The following LRRC51 variants were observed in gnomAD, a reference collection of about 807,000 sequenced individuals.
The protein encoded by LRRC51 is leucine rich repeat containing 51.
A neutral mutation model predicts 17.8 loss-of-function variants in LRRC51; 8 were observed. The observed-to-expected ratio is 0.45, with a 90% confidence interval of 0.26 to 0.81. The LOEUF (loss-of-function observed/expected upper bound fraction) is 0.81. Among genes scored for constraint, LRRC51 ranks in the 30% least tolerant of loss-of-function variants. The pLI, the probability that LRRC51 is intolerant of heterozygous loss-of-function variation, is 0.17. For missense variants in LRRC51, 233 were observed against 239.3 expected (o/e 0.97, Z 0.17); for synonymous variants, 92 against 96.0 (o/e 0.96, Z 0.24).
intron 1 of LRRC51, among the ~76,000 whole-genome samples, chr11:72,087,599 G>C (rs1251605932): frequency 6.6e-6 from 1 of 152,130 alleles, no homozygotes; most frequent in Non-Finnish European, 1.5e-5. Flanking sequence ...TAAAGTGCCT[G>C]GCACATCTCT....
intron 1 of LRRC51, among the ~76,000 whole-genome samples, chr11:72,083,538 C>CTACT (rs1341076053): frequency 2.0e-5 from 3 of 152,012 alleles, no homozygotes; most frequent in Non-Finnish European, 2.9e-5. Flanking sequence ...TGTTAAGCAC[C>CTACT]TACTACTTGC....
chr11:72,092,117 G>A (rs375026649), intron 3 of LRRC51, among the ~76,000 whole-genome samples: 149 of 152,120 alleles, frequency 9.8e-4, no homozygotes, highest in African/African-American at 3.4e-3. Flanking sequence ...CTTCCTCCCT[G>A]ACCTTCCTCC....
At chr11:72,089,359 C>T in intron 3 of LRRC51, 194 bp downstream of exon 3, 1 of 1,490,874 alleles carries the variant, frequency 6.7e-7, no homozygotes, top group Non-Finnish European at 8.9e-7. Context: ...TGATTTTGCC[C>T]CGATACAGCC....
intron 4 of LRRC51, 71 bp from the exon 5 acceptor site, chr11:72,094,877 C>T: frequency 1.9e-6 from 3 of 1,614,148 alleles, no homozygotes; most frequent in African/African-American, 2.7e-5. Context: ...TCTCTGCCCA[C>T]GAGTCAGCCC....
At chr11:72,092,434 C>T (rs1235547591) in intron 3 of LRRC51, among the ~76,000 whole-genome samples, 1 of 152,248 alleles carries the variant, frequency 6.6e-6, no homozygotes, top group Non-Finnish European at 1.5e-5. Context: ...CCTCTCATGT[C>T]TTGCTTGGAT....
At chr11:72,082,377 TA>T (rs767476061) in intron 1 of LRRC51, among the ~76,000 whole-genome samples, 5 of 152,134 alleles carry the variant, frequency 3.3e-5, no homozygotes, top group Non-Finnish European at 7.4e-5. Flanking sequence ...CACTGCACTC[TA>T]TATTCTCTTC....
chr11:72,087,176 A>G (rs1485587892), intron 1 of LRRC51, among the ~76,000 whole-genome samples: 2 of 152,138 alleles, frequency 1.3e-5, no homozygotes, highest in South Asian at 4.1e-4. Flanking sequence ...CTCTAAACCT[A>G]CTAAACTTGA....
chr11:72,093,884 CTG>C (rs1945006601), intron 4 of LRRC51, among the ~76,000 whole-genome samples, 183 bp downstream of exon 4: 1 of 152,236 alleles, frequency 6.6e-6, no homozygotes, highest in Non-Finnish European at 1.5e-5. Context: ...CTCTTACTGA[CTG>C]TGACTTTGAG....
At position 72,095,381 on chromosome 11, in the gene LRRC51, AAT is replaced by A; in HGVS notation, c.443_444del (p.Tyr148CysfsTer25). 6.2e-7 allele frequency: 1 copy of A among 1,614,036 alleles called. No homozygotes were observed. The highest frequency in any genetic ancestry group is 8.5e-7 in the Non-Finnish European group (1 of 1,180,018). On this transcript the variant is annotated frameshift_variant, in exon 6 of 6. Transcript: ENST00000289488. LOFTEE classifies it high-confidence loss of function. ...CCCAGCCTAAGTCTTCCCCACAGGC[AAT>A]ATGTGCTGTGCACCCTGTCCCGTAT...
At chr11:72,084,859 A>G (rs1944438411) in intron 1 of LRRC51, among the ~76,000 whole-genome samples, 1 of 110,848 alleles carries the variant, frequency 9.0e-6, no homozygotes, top group Non-Finnish European at 1.8e-5. Context: ...AAAAAAGAAA[A>G]CCGTGTGTGT....
At chr11:72,094,154 C>T (rs2511078) in intron 4 of LRRC51, among the ~76,000 whole-genome samples, 17,235 of 151,748 alleles carry the variant, frequency 0.11, 1,230 homozygotes, top group East Asian at 0.23. Flanking sequence ...GGCGTGGTGG[C>T]GGGCGCCTGT....
At chr11:72,084,400 G>A (rs1425875565) in intron 1 of LRRC51, among the ~76,000 whole-genome samples, 2 of 152,114 alleles carry the variant, frequency 1.3e-5, no homozygotes, top group Admixed American at 1.3e-4. Flanking sequence ...GTCAACTTGG[G>A]ATTGGTTAAA....
intron 3 of LRRC51, chr11:72,089,429 G>A (rs1407256545): frequency 3.6e-6 from 5 of 1,399,088 alleles, no homozygotes; most frequent in Middle Eastern, 3.8e-4. Flanking sequence ...AATCTGAAAG[G>A]AAACAGGGGG....
chr11:72,091,516 A>C (rs959927378), intron 3 of LRRC51, among the ~76,000 whole-genome samples: 4 of 152,132 alleles, frequency 2.6e-5, no homozygotes, highest in Non-Finnish European at 4.4e-5. Context: ...TAGAGAGCAG[A>C]AGAGAGTGAA....
intron 2 of LRRC51, 125 bp downstream of exon 2, chr11:72,088,505 C>T (rs1264894537): frequency 7.5e-6 from 5 of 665,992 alleles, no homozygotes; most frequent in South Asian, 3.2e-5. Context: ...AGAAGCCAAG[C>T]GGAGAAGGTG....
Position 72,096,088 on chromosome 11 carries a change from C to T in LRRC51, c.*568C>T, listed in dbSNP as rs112733852. 5,084 of 168,792 alleles carry T rather than the reference C, an allele frequency of 0.03. 74 individuals are homozygous for T. The highest frequency in any genetic ancestry group is 0.07 in the East Asian group (426 of 6,044). The allele number at this position is 168,792 out of a possible 1,614,324, so 10.5% of individuals were successfully genotyped here. A position where few individuals can be genotyped will look rare whatever the true frequency, so the allele number is the denominator to read the frequency against. On this transcript the variant is annotated 3_prime_UTR_variant, in exon 6 of 6. Transcript: ENST00000289488. ...CACGATCTCGGCTCACTGCAAACTC[C>T]GCCTTCCAGGTTCACGCCATTCTCC...
At chr11:72,090,725 C>G (rs1389146419) in intron 3 of LRRC51, among the ~76,000 whole-genome samples, 1 of 152,188 alleles carries the variant, frequency 6.6e-6, no homozygotes, top group African/African-American at 2.4e-5. Context: ...GGCATCTAAT[C>G]TGTGCTACCA....
intron 1 of LRRC51, chr11:72,086,533 C>T: frequency 1.4e-6 from 1 of 695,306 alleles, no homozygotes; most frequent in Non-Finnish European, 2.6e-6. Context: ...TTCATTCATC[C>T]CACAAACATT....
Position 72,095,376 on chromosome 11 carries a change from C to T in LRRC51, c.438-3C>T, listed in dbSNP as rs1161680187. ...TGGCCCCCAGCCTAAGTCTTCCCCA[C>T]AGGCAATATGTGCTGTGCACCCTGT... is the stretch of plus-strand genomic sequence containing the variant. On this transcript the variant is annotated splice_region_variant and splice_polypyrimidine_tract_variant and intron_variant, in intron 5 of 5. Transcript: ENST00000289488. 4 of 1,613,914 alleles carry T rather than the reference C, an allele frequency of 2.5e-6. No individual in the cohort carries two copies. The African/African-American group carries it at 4.0e-5, about 16-fold the overall frequency.
Sources: allele counts gnomAD v4.1 joint callset (sites outside exome capture counted in the v4.1 genomes callset), GRCh38; gene constraint gnomAD v4.1.1; transcripts MANE v1.5; gene names NCBI Gene and HGNC (gene_info 2026-07-23, HGNC 2026-07-21).